The following TACR1 variants were observed in gnomAD, a reference collection of about 807,000 sequenced individuals.
The protein encoded by TACR1 is substance-P receptor.
Under a neutral mutation model 35.8 loss-of-function variants are expected in TACR1, and 25 were observed. The ratio of observed to expected loss-of-function variants is 0.70; its 90% CI spans 0.51 to 0.98. TACR1 has a LOEUF of 0.98. Ranked by LOEUF, TACR1 falls within the 50% of genes least tolerant of loss-of-function variation. The probability of loss-of-function intolerance (pLI) is 0.00; values close to 1 mark genes in which losing one functional copy is unlikely to be tolerated. For synonymous variants in TACR1, 195 were observed against 206.7 expected (o/e 0.94, Z 0.48); for missense variants, 478 against 522.9 (o/e 0.91, Z 0.84).
intron 2 of TACR1, among the ~76,000 whole-genome samples, chr2:75,060,089 T>A (rs1672643027): frequency 6.6e-6 from 1 of 152,178 alleles, no homozygotes; most frequent in South Asian, 2.1e-4. Context: ...CTGTTCTATA[T>A]CTGGTCTGGT....
chr2:75,154,653 C>T (rs1466118705), intron 1 of TACR1: 1 of 152,422 alleles, frequency 6.6e-6, no homozygotes, highest in East Asian at 1.9e-4. Flanking sequence ...CATTCCCTTT[C>T]ATCCCCACTG....
At chr2:75,159,906 C>T (rs907793314) in intron 1 of TACR1, among the ~76,000 whole-genome samples, 9 of 152,090 alleles carry the variant, frequency 5.9e-5, no homozygotes, top group African/African-American at 1.7e-4. Context: ...AGGTACCATT[C>T]GCTGGATCAG....
intron 1 of TACR1, among the ~76,000 whole-genome samples, chr2:75,155,693 T>A (rs1451142561): frequency 6.6e-6 from 1 of 152,248 alleles, no homozygotes; most frequent in South Asian, 2.1e-4. Context: ...ATTTACATTT[T>A]ATCATATCCA....
chr2:75,086,761 G>A (rs1424981116), intron 2 of TACR1, among the ~76,000 whole-genome samples: 1 of 152,150 alleles, frequency 6.6e-6, no homozygotes, highest in Non-Finnish European at 1.5e-5. Flanking sequence ...TCGGAAATGG[G>A]GAAGTTTCAA....
chr2:75,055,808 G>A (rs1672558013), intron 2 of TACR1, among the ~76,000 whole-genome samples: 1 of 152,130 alleles, frequency 6.6e-6, no homozygotes, highest in African/African-American at 2.4e-5. Flanking sequence ...CCACAGGGCT[G>A]GGTCCCACCC....
intron 2 of TACR1, among the ~76,000 whole-genome samples, chr2:75,074,435 G>A (rs1032689791): frequency 1.3e-5 from 2 of 152,164 alleles, no homozygotes; most frequent in Non-Finnish European, 2.9e-5. Flanking sequence ...TTTCATGTCC[G>A]TATAACATGG....
intron 2 of TACR1, among the ~76,000 whole-genome samples, chr2:75,089,001 T>C (rs1673244645): frequency 6.6e-6 from 1 of 152,196 alleles, no homozygotes; most frequent in Non-Finnish European, 1.5e-5. Flanking sequence ...TTGGGATGCA[T>C]GTAGGCACTT....
intron 2 of TACR1, among the ~76,000 whole-genome samples, chr2:75,071,102 C>T (rs1048457057): frequency 6.6e-6 from 1 of 152,198 alleles, no homozygotes; most frequent in African/African-American, 2.4e-5. Context: ...TGTTTTCGTG[C>T]TCTGGTGGCT....
At chr2:75,139,271 G>A (rs72920611) in intron 1 of TACR1, among the ~76,000 whole-genome samples, 1,810 of 152,226 alleles carry the variant, frequency 0.012, 41 homozygotes, top group African/African-American at 0.041. Flanking sequence ...CTAAGAAAAC[G>A]GAGGCACAAA....
In TACR1 at chr2:75,152,737, G is replaced by T. The variant is rs373543061; in HGVS notation, c.390-31969C>A. On this transcript the variant is annotated intron_variant, in intron 1 of 4. Coordinates refer to ENST00000305249, the MANE Select transcript of TACR1 (RefSeq NM_001058.4). Reference sequence around the variant, plus strand: ...ATAAATATCACTAAACAGGTGTATAGATCACAGCTCTCTTAGTCACCCCAA... The same window carrying T: ...ATAAATATCACTAAACAGGTGTATATATCACAGCTCTCTTAGTCACCCCAA... 2.9e-4 allele frequency among the ~76,000 whole-genome samples: 44 copies of T among 152,308 alleles called. 1 individual carries two copies. In the South Asian group the frequency reaches 8.5e-3, roughly 29 times the overall value.
intron 1 of TACR1, among the ~76,000 whole-genome samples, chr2:75,143,870 A>G (rs182660916): frequency 2.0e-5 from 3 of 152,278 alleles, no homozygotes; most frequent in East Asian, 1.9e-4. Flanking sequence ...ACTGCCCCCA[A>G]TTCTGTGCAT....
At chr2:75,106,167 A>G (rs1673641181) in intron 2 of TACR1, among the ~76,000 whole-genome samples, 1 of 152,060 alleles carries the variant, frequency 6.6e-6, no homozygotes, top group African/African-American at 2.4e-5. Context: ...TCTAAAATAT[A>G]ACTTTATTAA....
intron 1 of TACR1, among the ~76,000 whole-genome samples, chr2:75,197,753 T>C (rs1676028615): frequency 6.6e-6 from 1 of 152,212 alleles, no homozygotes; most frequent in Non-Finnish European, 1.5e-5. Flanking sequence ...CCAAGCATGT[T>C]TCTCTGTGGA....
chr2:75,165,152 A>G (rs926434535), intron 1 of TACR1, among the ~76,000 whole-genome samples: 3 of 152,202 alleles, frequency 2.0e-5, no homozygotes, highest in Admixed American at 2.0e-4. Context: ...AAAACCACTA[A>G]GACAAAATAC....
intron 2 of TACR1, among the ~76,000 whole-genome samples, chr2:75,120,334 G>A (rs1258868278): frequency 1.3e-5 from 2 of 152,088 alleles, no homozygotes; most frequent in African/African-American, 4.8e-5. Flanking sequence ...GCTATAACAG[G>A]ATCTAGATCT....
intron 2 of TACR1, chr2:75,118,791 G>C (rs983811333): frequency 6.6e-6 from 1 of 152,180 alleles, no homozygotes; most frequent in Non-Finnish European, 1.5e-5. Context: ...AGATATTTCT[G>C]AAACAGTTTA....
At position 75,061,679 on chromosome 2, in the gene TACR1, G is replaced by A. The variant is rs188563391; in HGVS notation, c.585-7924C>T. ...GAATGTCCCAGAGTCGCCCTGTATC[G>A]TGATGGGGTGACCAATCAAGGTGGA... is the stretch of plus-strand genomic sequence containing the variant. On this transcript the variant is annotated intron_variant, in intron 2 of 4. Coordinates refer to ENST00000305249, the MANE Select transcript of TACR1 (RefSeq NM_001058.4). Among the ~76,000 whole-genome samples the A allele has an allele frequency of 3.2e-4, 49 of 152,258 alleles. 1 individual carries two copies. The highest frequency in any genetic ancestry group is 6.8e-3 in the Middle Eastern group (2 of 294).
intron 3 of TACR1, among the ~76,000 whole-genome samples, chr2:75,053,355 T>C (rs1672507435): frequency 1.3e-5 from 2 of 152,154 alleles, no homozygotes; most frequent in Admixed American, 6.5e-5. Context: ...AGTGTGCGTG[T>C]GTGTGTGTGT....
chr2:75,118,382 A>T lies in TACR1; in HGVS notation c.584+2192T>A, dbSNP rs748422420. Among the ~76,000 whole-genome samples, 6 of 152,366 alleles carry T rather than the reference A, an allele frequency of 3.9e-5. No homozygotes were observed. In the South Asian group the frequency reaches 8.3e-4, roughly 21 times the overall value. ...TTACACTTCATGAATAGATAACATT[A>T]GATGCTCTTAAGCCAAGCTTACTTT... On this transcript the variant is annotated intron_variant, in intron 2 of 4. Transcript: ENST00000305249.
Sources: allele counts gnomAD v4.1 joint callset (sites outside exome capture counted in the v4.1 genomes callset), GRCh38; gene constraint gnomAD v4.1.1; transcripts MANE v1.5; gene names NCBI Gene and HGNC (gene_info 2026-07-23, HGNC 2026-07-21).